The following NAV2 variants were observed in gnomAD, a reference collection of about 807,000 sequenced individuals.
The protein encoded by NAV2 is neuron navigator 2, also known as helicase, APC down-regulated 1.
Under a neutral mutation model 223.2 loss-of-function variants are expected in NAV2, and 54 were observed. The ratio of observed to expected loss-of-function variants is 0.24; its 90% CI spans 0.19 to 0.30. The LOEUF is 0.30. Ranked by LOEUF, NAV2 falls within the 10% of genes least tolerant of loss-of-function variation. The pLI, the probability that NAV2 is intolerant of heterozygous loss-of-function variation, is 1.00. For missense variants in NAV2, 2,806 were observed against 3,147.5 expected (o/e 0.89, Z 2.60); for synonymous variants, 1,279 against 1,239.3 (o/e 1.03, Z -0.67).
At chr11:20,064,543 G>A (rs1030570599) in intron 20 of NAV2, among the ~76,000 whole-genome samples, 2 of 152,126 alleles carry the variant, frequency 1.3e-5, no homozygotes, top group Non-Finnish European at 2.9e-5. Flanking sequence ...GACTTGGAGG[G>A]AAAGAGCTTA....
At chr11:20,067,558 A>G (rs1296818951) in intron 20 of NAV2, among the ~76,000 whole-genome samples, 4 of 151,954 alleles carry the variant, frequency 2.6e-5, no homozygotes, top group Middle Eastern at 3.4e-3. Flanking sequence ...GCTCACTGCA[A>G]TCTCCACCTC....
intron 1 of NAV2, chr11:19,511,080 G>T (rs912529498): frequency 2.0e-5 from 3 of 152,208 alleles, no homozygotes; most frequent in Admixed American, 2.0e-4. Context: ...AGTCCAGGAG[G>T]TTCAAGGGAC....
intron 1 of NAV2, among the ~76,000 whole-genome samples, chr11:19,616,887 A>G (rs2046812410): frequency 6.6e-6 from 1 of 152,104 alleles, no homozygotes; most frequent in Non-Finnish European, 1.5e-5. Flanking sequence ...TGTCAGGCAG[A>G]CCTAAGATAG....
chr11:20,098,857 TCAGA>T (rs751271359), intron 31 of NAV2, among the ~76,000 whole-genome samples: 1 of 152,194 alleles, frequency 6.6e-6, no homozygotes, highest in Non-Finnish European at 1.5e-5. Context: ...ATCCAGGTGG[TCAGA>T]CAGTGAATCA....
chr11:20,089,009 A>C (rs2060641407), intron 26 of NAV2, among the ~76,000 whole-genome samples: 1 of 145,360 alleles, frequency 6.9e-6, no homozygotes, highest in African/African-American at 2.5e-5. Flanking sequence ...CAAACCGAAG[A>C]AAAAAAAAAA....
At chr11:20,081,446 C>T (rs140099798) in intron 25 of NAV2, among the ~76,000 whole-genome samples, 23 of 152,314 alleles carry the variant, frequency 1.5e-4, no homozygotes, top group Non-Finnish European at 2.6e-4. Flanking sequence ...AGACAACTCC[C>T]GCTTATCAGT....
chr11:19,800,304 TG>T (rs2058164664), intron 1 of NAV2, among the ~76,000 whole-genome samples: 1 of 152,134 alleles, frequency 6.6e-6, no homozygotes, highest in African/African-American at 2.4e-5. Flanking sequence ...TTCTAGCACT[TG>T]GGGAGCAGCC....
chr11:19,430,797 A>G (rs1452148432), intron 1 of NAV2, among the ~76,000 whole-genome samples: 2 of 152,154 alleles, frequency 1.3e-5, no homozygotes, highest in Non-Finnish European at 2.9e-5. Context: ...CAATTCATCT[A>G]CAGATGTCCG....
At chr11:20,043,939 T>C (rs954170006) in intron 12 of NAV2, 42 bp from the exon 13 acceptor site, 3 of 1,582,894 alleles carry the variant, frequency 1.9e-6, no homozygotes, top group African/African-American at 1.3e-5. Context: ...CTTCCCAGCC[T>C]GGGACTGGGG....
chr11:19,567,014 C>T (rs1307268852), intron 1 of NAV2, among the ~76,000 whole-genome samples: 5 of 152,320 alleles, frequency 3.3e-5, no homozygotes, highest in South Asian at 2.1e-4. Context: ...CTTTCTGGAA[C>T]GAGAAATCTA....
intron 1 of NAV2, among the ~76,000 whole-genome samples, chr11:19,428,889 A>G (rs115638767): frequency 1.3e-3 from 194 of 152,314 alleles, no homozygotes; most frequent in African/African-American, 4.3e-3. Flanking sequence ...TTGCCTAAGA[A>G]CCTTGACGTG....
At position 19,769,047 on chromosome 11, in the gene NAV2, C is replaced by T. The variant is rs546875587; in HGVS notation, c.267+55085C>T. 3.3e-4 allele frequency among the ~76,000 whole-genome samples: 51 copies of T among 152,324 alleles called. 1 individual carries two copies. The South Asian group carries it at 0.011, about 32-fold the overall frequency. On this transcript the variant is annotated intron_variant, in intron 1 of 37. Coordinates refer to ENST00000349880, the MANE Select transcript of NAV2 (RefSeq NM_145117.5). ...ATTCAACCTCTTTGTGCTTCAGTGT[C>T]CTTCTCAGGAAAATGGGACCATGCC...
intron 1 of NAV2, among the ~76,000 whole-genome samples, chr11:19,564,950 CA>C (rs753045902): frequency 3.3e-5 from 5 of 152,304 alleles, no homozygotes; most frequent in Non-Finnish European, 7.4e-5. Context: ...GCCTGGTCAA[CA>C]TAGTGAAACC....
chr11:20,103,343 A>C lies in NAV2; in HGVS notation c.6506A>C (p.Asn2169Thr), dbSNP rs2061774463. 1 of 1,614,034 alleles carries C rather than the reference A, an allele frequency of 6.2e-7. No individual in the cohort carries two copies. ...VDMPLVIILD[N>T]LHHVSSLGEI... ...ATGCCCCTCGTCATCATCCTGGACA[A>C]CCTACACCACGTGAGCTCTCTGGGA... The change falls in exon 33 of 38, where the codon AAC (asparagine) becomes ACC (threonine). Residue 2169 changes from asparagine (N) to threonine (T), a missense_variant. By Grantham distance (65) the Asn-to-Thr change is moderately conservative (BLOSUM62 0). Transcript: ENST00000349880.
intron 1 of NAV2, among the ~76,000 whole-genome samples, chr11:19,805,184 G>A (rs1447592551): frequency 1.3e-5 from 2 of 152,210 alleles, no homozygotes; most frequent in Non-Finnish European, 2.9e-5. Flanking sequence ...AAGATTAAGT[G>A]TCAGCTGAGA....
At chr11:19,922,493 C>CT (rs1224767246) in intron 6 of NAV2, among the ~76,000 whole-genome samples, 1 of 152,134 alleles carries the variant, frequency 6.6e-6, no homozygotes, top group African/African-American at 2.4e-5. Flanking sequence ...TTAACACCTG[C>CT]TTTTTGAACT....
chr11:19,357,389 T>C (rs1450061981), intron 1 of NAV2, among the ~76,000 whole-genome samples: 1 of 152,244 alleles, frequency 6.6e-6, no homozygotes, highest in East Asian at 1.9e-4. Flanking sequence ...GGATAATTTA[T>C]TTAACCTTTC....
upstream of NAV2, among the ~76,000 whole-genome samples, chr11:19,708,899 T>TAAAAAAAA (rs77460734): frequency 2.6e-5 from 3 of 114,542 alleles, no homozygotes; most frequent in Non-Finnish European, 1.9e-5. Flanking sequence ...ATGCATATAG[T>TAAAAAAAA]AAAAAAAAAA....
intron 2 of NAV2, among the ~76,000 whole-genome samples, chr11:19,840,655 T>C (rs548350857): frequency 1.3e-5 from 2 of 152,336 alleles, no homozygotes; most frequent in East Asian, 3.9e-4. Context: ...TTCCCAGGTA[T>C]GGAAGAGTGC....
Sources: gnomAD v4.1 joint callset for allele counts (sites outside exome capture counted in the v4.1 genomes callset) on GRCh38, gnomAD v4.1.1 for gene constraint, MANE v1.5 for transcripts, NCBI Gene and HGNC (gene_info 2026-07-23, HGNC 2026-07-21) for gene names.